FRYL: variants seen among roughly 807,000 people sequenced by gnomAD.
FRYL encodes the protein FRY like transcription coactivator, also known as protein furry homolog-like.
Under a neutral mutation model 351.2 loss-of-function variants are expected in FRYL, and 150 were observed. The ratio of observed to expected loss-of-function variants is 0.43; its 90% CI spans 0.37 to 0.49. FRYL has a LOEUF of 0.49. FRYL is among the 20% of genes least tolerant of loss of function. FRYL has a pLI of 0.00. For missense variants in FRYL, 3,036 were observed against 3,619.3 expected (o/e 0.84, Z 4.13); for synonymous variants, 1,153 against 1,257.1 (o/e 0.92, Z 1.75).
chr4:48,723,493 C>T (rs902762904), intron 1 of FRYL, among the ~76,000 whole-genome samples: 2 of 152,166 alleles, frequency 1.3e-5, no homozygotes, highest in South Asian at 2.1e-4. Flanking sequence ...TTGCTCCTTA[C>T]TAAACTCCTT....
At chr4:48,632,467 T>C (rs1269549666) in intron 4 of FRYL, among the ~76,000 whole-genome samples, 1 of 150,734 alleles carries the variant, frequency 6.6e-6, no homozygotes, top group African/African-American at 2.4e-5. Context: ...TTTAAGCATA[T>C]CTATAATCAA....
Position 48,603,202 on chromosome 4 carries a change from A to G in FRYL, c.933+88T>C, listed in dbSNP as rs1435920392. The stretch of plus-strand genomic sequence containing the variant: ...CAGGGATTTTACAATTTCAGATTTT[A>G]CCATTCTCTTAAATTTCCACTGAAT... On this transcript the variant is annotated intron_variant, in intron 12 of 63. Transcript: ENST00000358350. The G allele has an allele frequency of 1.3e-5, 12 of 941,742 alleles. No homozygotes were observed. In the Admixed American group the frequency reaches 2.1e-4, roughly 17 times the overall value. The allele number at this position is 941,742 out of a possible 1,614,324, so 58.3% of individuals were successfully genotyped here. A position where few individuals can be genotyped will look rare whatever the true frequency, so the allele number is the denominator to read the frequency against.
chr4:48,537,635 C>T (rs1729183832), intron 47 of FRYL, among the ~76,000 whole-genome samples: 1 of 152,188 alleles, frequency 6.6e-6, no homozygotes, highest in African/African-American at 2.4e-5. Flanking sequence ...CCTTTGTGTG[C>T]TGTCCAACAG....
At chr4:48,758,919 A>G (rs1774113567) in intron 1 of FRYL, among the ~76,000 whole-genome samples, 1 of 152,192 alleles carries the variant, frequency 6.6e-6, no homozygotes, top group African/African-American at 2.4e-5. Flanking sequence ...GGATGAGTTC[A>G]TGTCCTTTGT....
At chr4:48,536,420 C>G (rs943341273) in intron 47 of FRYL, among the ~76,000 whole-genome samples, 23 of 152,146 alleles carry the variant, frequency 1.5e-4, no homozygotes, top group African/African-American at 5.3e-4. Context: ...CCGGAAATCA[C>G]CTAAAGCTCT....
At chr4:48,628,463 T>TGTGTGTGTGTGTGTGTG (rs1578418587) in intron 4 of FRYL, among the ~76,000 whole-genome samples, 1 of 150,886 alleles carries the variant, frequency 6.6e-6, no homozygotes, top group Non-Finnish European at 1.5e-5. Context: ...TGTGTGTGTG[T>TGTGTGTGTGTGTGTGTG]TTAAAGGTGA....
chr4:48,653,443 T>C (rs1276763652), intron 3 of FRYL, among the ~76,000 whole-genome samples: 1 of 152,002 alleles, frequency 6.6e-6, no homozygotes, highest in Non-Finnish European at 1.5e-5. Flanking sequence ...TATGACTAAT[T>C]GCGAGAAACT....
chr4:48,699,846 TA>T (rs1423899853), intron 2 of FRYL, among the ~76,000 whole-genome samples: 2 of 152,206 alleles, frequency 1.3e-5, no homozygotes, highest in African/African-American at 4.8e-5. Context: ...GAATATTGTC[TA>T]CAGATCCAGT....
At chr4:48,685,261 C>A (rs1170964044) in intron 2 of FRYL, among the ~76,000 whole-genome samples, 2 of 152,110 alleles carry the variant, frequency 1.3e-5, no homozygotes, top group East Asian at 1.9e-4. Context: ...TAATAATAAT[C>A]AACTACTAAT....
rs1456844308 is a variant in FRYL at position 48,557,765 on chromosome 4, C to T, written c.3866-53G>A. The T allele has an allele frequency of 1.0e-5, 16 of 1,590,474 alleles. No individual in the cohort carries two copies. The African/African-American group carries it at 2.2e-4, about 21-fold the overall frequency. Reference sequence around the variant, plus strand: ...CTGATGTAATTTCAGCTTCCTCTGACCCGTAATTAATTCCAACAGATTTCA... The same window carrying T: ...CTGATGTAATTTCAGCTTCCTCTGATCCGTAATTAATTCCAACAGATTTCA... On this transcript the variant is annotated intron_variant, in intron 33 of 63. Transcript: ENST00000358350.
Position 48,548,764 on chromosome 4 carries a change from T to C in FRYL, c.4814A>G (p.Asp1605Gly). 6.2e-7 allele frequency: 1 copy of C among 1,611,008 alleles called. No individual in the cohort carries two copies. ...RCNIAVILLT[D>G]LIIDHSVKVE... is the part of the protein sequence containing the mutation. The stretch of plus-strand genomic sequence containing the variant: ...CTTCACACTATGATCAATGATGAGA[T>C]CAGTCAAAAGGATCACTGCTATGTT... Residue 1605 changes from aspartate (D) to glycine (G), a missense_variant, in exon 40 of 64, where the codon GAT becomes GGT. Physicochemically the swap from Asp to Gly is moderately conservative, Grantham distance 94. This residue lies in a region of FRYL where 1,987 missense variants were observed against 2,311.7 expected (regional missense o/e 0.86). Transcript: ENST00000358350.
chr4:48,752,822 C>G (rs1773385035), intron 1 of FRYL, among the ~76,000 whole-genome samples: 1 of 152,194 alleles, frequency 6.6e-6, no homozygotes, highest in African/African-American at 2.4e-5. Flanking sequence ...GATCCAGAAG[C>G]AGCAGCCCCC....
chr4:48,546,303 A>C, intron 41 of FRYL, 32 bp from the exon 42 acceptor site: 1 of 1,498,228 alleles, frequency 6.7e-7, no homozygotes, highest in Non-Finnish European at 9.3e-7. Context: ...GAATACCTAA[A>C]ACATGAAAGA....
At chr4:48,691,568 A>C (rs1260253108) in intron 2 of FRYL, among the ~76,000 whole-genome samples, 1 of 152,154 alleles carries the variant, frequency 6.6e-6, no homozygotes, top group African/African-American at 2.4e-5. Context: ...TCTTAGGGCT[A>C]TTTTCAGAAC....
intron 2 of FRYL, among the ~76,000 whole-genome samples, chr4:48,693,577 G>T (rs1765861501): frequency 2.7e-5 from 4 of 150,216 alleles, no homozygotes; most frequent in African/African-American, 9.8e-5. Flanking sequence ...AACAATCATG[G>T]TTTAGCTTCA....
chr4:48,738,931 G>T (rs994955652), intron 1 of FRYL, among the ~76,000 whole-genome samples: 2 of 152,006 alleles, frequency 1.3e-5, no homozygotes, highest in Non-Finnish European at 2.9e-5. Context: ...AAGTTTATGT[G>T]GAAAGACAAA....
At position 48,499,479 on chromosome 4, in the gene FRYL, T is replaced by C. The variant is rs752692177; in HGVS notation, c.8985A>G (p.Ser2995=). The part of the protein sequence containing the change: ...EIRESLRMVQ[S]YQLLAQAKPM... ...GTTTGGCCTGTGCTAGAAGTTGGTA[T>C]GATTGCACCATGCGTAGAGACTCTC... is the stretch of plus-strand genomic sequence containing the variant. The change falls in exon 64 of 64, where the codon TCA becomes TCG. Residue 2995 remains serine (S), a synonymous_variant. Transcript: ENST00000358350. 5 of 1,614,056 alleles carry C rather than the reference T, an allele frequency of 3.1e-6. No homozygotes were observed. In the South Asian group the frequency reaches 4.4e-5, roughly 14 times the overall value.
In FRYL at chr4:48,527,833, A is replaced by G. The variant is rs1577954000; in HGVS notation, c.7140+138T>C. On this transcript the variant is annotated intron_variant, in intron 52 of 63. Transcript: ENST00000358350. The stretch of plus-strand genomic sequence containing the variant: ...TAGCATGGCTGCCAGGTGTCACAAG[A>G]GATAAGAAATCTTTTTTTCATTCTG... 5 of 949,628 alleles carry G rather than the reference A, an allele frequency of 5.3e-6. No homozygotes were observed. In the East Asian group the frequency reaches 1.2e-4, roughly 24 times the overall value. The allele number at this position is 949,628 out of a possible 1,614,324, so 58.8% of individuals were successfully genotyped here.
At chr4:48,637,254 A>T (rs553479307) in intron 3 of FRYL, 1 of 152,268 alleles carries the variant, frequency 6.6e-6, no homozygotes, top group African/African-American at 2.4e-5. Flanking sequence ...AAAATCAGGT[A>T]ACATTTTTCA....
Sources: allele counts gnomAD v4.1 joint callset (sites outside exome capture counted in the v4.1 genomes callset), GRCh38; gene constraint gnomAD v4.1.1; regional missense constraint gnomAD v4.1.1; transcripts MANE v1.5; gene names NCBI Gene and HGNC (gene_info 2026-07-23, HGNC 2026-07-21).